SLC7A2: variants seen among roughly 807,000 people sequenced by gnomAD.
SLC7A2 encodes cationic amino acid transporter 2.
Under a neutral mutation model 58.9 loss-of-function variants are expected in SLC7A2, and 48 were observed. That is an observed-to-expected ratio of 0.82 (90% CI 0.65 to 1.04). The LOEUF (loss-of-function observed/expected upper bound fraction) is 1.04. Among genes scored for constraint, SLC7A2 ranks in the 50% least tolerant of loss-of-function variants. The pLI is 0.00. For missense variants in SLC7A2, 1,029 were observed against 818.8 expected (o/e 1.26, Z -3.13); for synonymous variants, 363 against 314.5 (o/e 1.15, Z -1.63).
chr8:17,545,325 G>C (rs1802110518), intron 4 of SLC7A2, among the ~76,000 whole-genome samples: 1 of 151,748 alleles, frequency 6.6e-6, no homozygotes, highest in African/African-American at 2.4e-5. Flanking sequence ...GCACTCACGT[G>C]GTGGCTGATT....
At chr8:17,511,738 A>T (rs1481874241) in intron 2 of SLC7A2, among the ~76,000 whole-genome samples, 1 of 152,212 alleles carries the variant, frequency 6.6e-6, no homozygotes, top group African/African-American at 2.4e-5. Context: ...TTAGAAGCTA[A>T]TAAACTGGGG....
At chr8:17,505,728 A>G (rs1332142695) in intron 2 of SLC7A2, among the ~76,000 whole-genome samples, 2 of 152,194 alleles carry the variant, frequency 1.3e-5, no homozygotes, top group African/African-American at 2.4e-5. Context: ...CTAAAATTGG[A>G]GCATCTTTAG....
intron 1 of SLC7A2, chr8:17,500,129 T>C (rs907941337): frequency 6.6e-6 from 1 of 152,234 alleles, no homozygotes; most frequent in African/African-American, 2.4e-5. Flanking sequence ...GGGAACTCCA[T>C]TGATGGATTT....
chr8:17,526,023 A>G lies in SLC7A2; in HGVS notation c.-22-17295A>G, dbSNP rs566466866. Reference sequence around the variant, plus strand: ...AGTGGACTCAATCTCTATACCCTAGATTTTTAAAAAGCAGATTTCTAAATA... The same window carrying G: ...AGTGGACTCAATCTCTATACCCTAGGTTTTTAAAAAGCAGATTTCTAAATA... On this transcript the variant is annotated intron_variant, in intron 2 of 12. Coordinates refer to ENST00000494857, the MANE Select transcript of SLC7A2 (RefSeq NM_001370338.1). Among the ~76,000 whole-genome samples the G allele has an allele frequency of 2.0e-5, 3 of 152,272 alleles. No homozygotes were observed. The East Asian group carries it at 5.8e-4, about 29-fold the overall frequency.
chr8:17,538,907 A>G lies in SLC7A2; in HGVS notation c.-22-4411A>G, dbSNP rs765026994. 24 of 1,613,370 alleles carry G rather than the reference A, an allele frequency of 1.5e-5. No homozygotes were observed. In the East Asian group the frequency reaches 4.9e-4, roughly 33 times the overall value. On this transcript the variant is annotated intron_variant, in intron 2 of 12. Transcript: ENST00000494857. ...GGAACACCTGCCCCACCGGTTTGCG[A>G]CAGCAAGTTTCTCCTGTAAGATTTA...
chr8:17,552,813 G>GT (rs987471716), intron 7 of SLC7A2, among the ~76,000 whole-genome samples: 4 of 152,140 alleles, frequency 2.6e-5, no homozygotes, highest in African/African-American at 9.7e-5. Flanking sequence ...TTTCGTTCTA[G>GT]TTTTTTATCA....
intron 2 of SLC7A2, among the ~76,000 whole-genome samples, chr8:17,506,827 G>A (rs1800385149): frequency 6.6e-6 from 1 of 150,906 alleles, no homozygotes; most frequent in Non-Finnish European, 1.5e-5. Context: ...CTCGGCTCAT[G>A]TGAGGTTAGA....
upstream of SLC7A2, among the ~76,000 whole-genome samples, chr8:17,494,197 T>A (rs1799908704): frequency 6.6e-6 from 1 of 152,192 alleles, no homozygotes; most frequent in Admixed American, 6.5e-5. Flanking sequence ...GTCTTGCTAG[T>A]TGAAGTAAAT....
In SLC7A2 at chr8:17,532,251, A is replaced by C. The variant is rs1003514353; in HGVS notation, c.-22-11067A>C. 3.7e-4 allele frequency among the ~76,000 whole-genome samples: 41 copies of C among 110,348 alleles called. 1 individual carries two copies. Among genetic ancestry groups the C allele is most frequent in the African/African-American group, 1.1e-3 (38 of 34,316 alleles). 72.4% of individuals were successfully genotyped at this position (110,348 alleles called of 152,430 possible). A position where few individuals can be genotyped will look rare whatever the true frequency, so the allele number is the denominator to read the frequency against. On this transcript the variant is annotated intron_variant, in intron 2 of 12. Transcript: ENST00000494857. ...TCTCAAAAAAAAAAAAAAAAAAAAA[A>C]AAAAAAAACCCCAGCAATTCTAGGG...
At position 17,514,589 on chromosome 8, in the gene SLC7A2, G is replaced by A. The variant is rs185576464; in HGVS notation, c.-23+12287G>A. On this transcript the variant is annotated intron_variant, in intron 2 of 12. Coordinates refer to ENST00000494857, the MANE Select transcript of SLC7A2 (RefSeq NM_001370338.1). ...TTGTTCAGGTTTCCCTTTTATAGCT[G>A]TTCTGAGTAGCACAGAAACTCAATT... is the stretch of plus-strand genomic sequence containing the variant. Among the ~76,000 whole-genome samples the A allele has an allele frequency of 1.6e-4, 25 of 152,276 alleles. No individual in the cohort carries two copies. In the South Asian group the frequency reaches 4.6e-3, roughly 28 times the overall value.
intron 2 of SLC7A2, among the ~76,000 whole-genome samples, chr8:17,524,655 G>A (rs1801153660): frequency 6.6e-6 from 1 of 152,104 alleles, no homozygotes; most frequent in Non-Finnish European, 1.5e-5. Flanking sequence ...TGGGGAATCA[G>A]GGGAAAGGGT....
chr8:17,539,930 G>C (rs76445190), intron 2 of SLC7A2, among the ~76,000 whole-genome samples: 3 of 152,032 alleles, frequency 2.0e-5, no homozygotes, highest in Non-Finnish European at 4.4e-5. Context: ...CATTTCATAT[G>C]GGGAGCTTAT....
intron 2 of SLC7A2, among the ~76,000 whole-genome samples, chr8:17,536,456 T>C (rs1801670320): frequency 1.3e-5 from 2 of 152,004 alleles, no homozygotes; most frequent in African/African-American, 4.8e-5. Context: ...TGTAACTACT[T>C]GGGAGGCTGA....
intron 2 of SLC7A2, among the ~76,000 whole-genome samples, chr8:17,529,871 C>A (rs1469413506): frequency 6.6e-6 from 1 of 152,094 alleles, no homozygotes; most frequent in African/African-American, 2.4e-5. Flanking sequence ...GCCAAAAGTC[C>A]CTTGAAAAGG....
intron 2 of SLC7A2, among the ~76,000 whole-genome samples, chr8:17,512,971 G>A (rs1053781202): frequency 4.6e-5 from 7 of 152,144 alleles, no homozygotes; most frequent in African/African-American, 7.2e-5. Flanking sequence ...CAGAATTTCC[G>A]TCTATTTTAA....
chr8:17,498,102 G>C (rs1234269838), intron 1 of SLC7A2, among the ~76,000 whole-genome samples: 1 of 152,174 alleles, frequency 6.6e-6, no homozygotes, highest in Non-Finnish European at 1.5e-5. Flanking sequence ...AAGAGAAAAA[G>C]TACTCAGCCT....
intron 2 of SLC7A2, 97 bp from the exon 3 acceptor site, chr8:17,543,220 AC>A: frequency 9.1e-7 from 1 of 1,098,036 alleles, no homozygotes. Context: ...ACACACAAAC[AC>A]ACACACACAC....
chr8:17,523,917 A>C (rs1177149110), intron 2 of SLC7A2, among the ~76,000 whole-genome samples: 4 of 41,082 alleles, frequency 9.7e-5, no homozygotes, highest in Non-Finnish European at 2.5e-4. Flanking sequence ...AATCAGCAAG[A>C]AAAAAAAATG....
At chr8:17,558,177 G>A in intron 8 of SLC7A2, 118 bp from the exon 9 acceptor site, 1 of 662,154 alleles carries the variant, frequency 1.5e-6, no homozygotes. Context: ...CACTCTGGTT[G>A]ACTTATCCTT....
Sources: gnomAD v4.1 joint callset for allele counts (sites outside exome capture counted in the v4.1 genomes callset) on GRCh38, gnomAD v4.1.1 for gene constraint, MANE v1.5 for transcripts, NCBI Gene and HGNC (gene_info 2026-07-23, HGNC 2026-07-21) for gene names.